Variants in RFX1 observed in about 807,000 individuals in gnomAD.
RFX1 encodes the protein MHC class II regulatory factor RFX1.
In RFX1, 42 loss-of-function variants were observed where a neutral mutation model predicts 119.6. That is an observed-to-expected ratio of 0.35 (90% CI 0.27 to 0.45). The LOEUF is 0.45. Ranked by LOEUF, RFX1 falls within the 20% of genes least tolerant of loss-of-function variation. The pLI is 1.00. For missense variants in RFX1, 1,118 were observed against 1,368.1 expected, an observed-to-expected ratio of 0.82 and a Z score of 2.88; for synonymous variants, 628 against 618.5, an observed-to-expected ratio of 1.02 and a Z score of -0.23.
At position 13,962,641 on chromosome 19, in the gene RFX1, G is replaced by C; in HGVS notation, c.*54C>G. 2 of 1,388,792 alleles carry C rather than the reference G, an allele frequency of 1.4e-6. No individual in the cohort carries two copies. Among genetic ancestry groups the C allele is most frequent in the Admixed American group, 2.5e-5 (1 of 40,320 alleles). 86.0% of individuals were successfully genotyped at this position (1,388,792 alleles called of 1,614,324 possible). On this transcript the variant is annotated 3_prime_UTR_variant, in exon 21 of 21. Transcript: ENST00000254325. ...GACCACGAAGCCACAGAAGCTTTGA[G>C]GGACCCTGGCGTGGAGGGGTGGCGG...
chr19:13,966,879 G>C lies in RFX1; in HGVS notation c.1733-128C>G. ...TGCCGGTGAGACAACGCTAGGTGGG[G>C]TGAGCGCCTGGCCCGGGCCCAGGAC... On this transcript the variant is annotated intron_variant, in intron 12 of 20. Transcript: ENST00000254325. This position sits in a 1 kb window ranked among gnomAD's most constrained non-coding sequence, Gnocchi z 6.3. 1 of 623,410 alleles carries C rather than the reference G, an allele frequency of 1.6e-6. No homozygotes were observed. Among genetic ancestry groups the C allele is most frequent in the Non-Finnish European group, 2.8e-6 (1 of 362,916 alleles). 38.6% of individuals were successfully genotyped at this position (623,410 alleles called of 1,614,324 possible).
chr19:13,991,591 A>T (rs1205633612), intron 2 of RFX1, among the ~76,000 whole-genome samples: 1 of 152,180 alleles, frequency 6.6e-6, no homozygotes, highest in Non-Finnish European at 1.5e-5. Context: ...ACACTGCCAG[A>T]AGCCTCTGGG....
chr19:13,969,839 G>T lies in RFX1; in HGVS notation c.1496+155C>A. ...GGTGGAAGGCACCGCCAGTGCAAAGGCCTAGAGTGGGAGTGAGCGGGGCTG... is the reference window on the plus strand; with the variant it reads ...GGTGGAAGGCACCGCCAGTGCAAAGTCCTAGAGTGGGAGTGAGCGGGGCTG... On this transcript the variant is annotated intron_variant, in intron 10 of 20. Transcript: ENST00000254325. This position sits in a 1 kb window ranked among gnomAD's most constrained non-coding sequence, Gnocchi z 4.5. 1.5e-6 allele frequency: 1 copy of T among 674,584 alleles called. No homozygotes were observed. The highest frequency in any genetic ancestry group is 2.5e-6 in the Non-Finnish European group (1 of 406,314). 41.8% of individuals were successfully genotyped at this position (674,584 alleles called of 1,614,324 possible).
intron 8 of RFX1, among the ~76,000 whole-genome samples, chr19:13,977,764 C>A (rs1036458421): frequency 2.0e-5 from 3 of 151,604 alleles, no homozygotes; most frequent in Admixed American, 6.6e-5. Flanking sequence ...GACTCCCAAG[C>A]CCTAAGCTAT....
intron 2 of RFX1, among the ~76,000 whole-genome samples, chr19:13,993,066 G>T (rs1336216613): frequency 1.3e-5 from 2 of 152,158 alleles, no homozygotes; most frequent in East Asian, 3.8e-4. Context: ...TTTGAGGCCG[G>T]GAGGATCATT....
In RFX1 at chr19:13,979,897, G is replaced by A. The variant is rs1054856145; in HGVS notation, c.739-355C>T. Reference sequence around the variant, plus strand: ...CTGTTCTGTGCTGTGGCGGGCATGCGGGGATTATCCTAGGGGCGCAGAGCC... The same window carrying A: ...CTGTTCTGTGCTGTGGCGGGCATGCAGGGATTATCCTAGGGGCGCAGAGCC... On this transcript the variant is annotated intron_variant, in intron 6 of 20. Coordinates refer to ENST00000254325, the MANE Select transcript of RFX1 (RefSeq NM_002918.5). 7.2e-5 allele frequency among the ~76,000 whole-genome samples: 11 copies of A among 152,224 alleles called. No homozygotes were observed. In the South Asian group the frequency reaches 1.7e-3, roughly 23 times the overall value.
chr19:13,984,748 T>C (rs1337623811), intron 2 of RFX1, among the ~76,000 whole-genome samples: 3 of 152,136 alleles, frequency 2.0e-5, no homozygotes, highest in Admixed American at 2.0e-4. Flanking sequence ...TAGAGGGGTT[T>C]ATCCGACCCC....
intron 9 of RFX1, among the ~76,000 whole-genome samples, chr19:13,971,633 T>C (rs988848738): frequency 1.3e-5 from 2 of 152,108 alleles, no homozygotes; most frequent in Admixed American, 1.3e-4. Context: ...TTAATCAGAA[T>C]AGATGGCTGG....
intron 4 of RFX1, 61 bp downstream of exon 4, chr19:13,983,126 G>T: frequency 7.9e-7 from 1 of 1,262,644 alleles, no homozygotes. Context: ...CTTGCCACAG[G>T]GGGTTGGTCC....
At chr19:14,000,200 T>C (rs1268142107) in intron 1 of RFX1, among the ~76,000 whole-genome samples, 1 of 152,080 alleles carries the variant, frequency 6.6e-6, no homozygotes. Context: ...AAATATATCC[T>C]AGAGGCCGGG....
chr19:13,994,896 A>ATG (rs1974948349), intron 1 of RFX1, among the ~76,000 whole-genome samples: 2 of 11,310 alleles, frequency 1.8e-4, no homozygotes, highest in East Asian at 4.2e-3. Flanking sequence ...ATACATACAT[A>ATG]TATATATATA....
At position 13,968,035 on chromosome 19, in the gene RFX1, C is replaced by G. The variant is rs543152789; in HGVS notation, c.1732+530G>C. 2.6e-5 allele frequency among the ~76,000 whole-genome samples: 4 copies of G among 152,216 alleles called. No homozygotes were observed. The South Asian group carries it at 8.3e-4, about 32-fold the overall frequency. ...TTGGGAGGCCAAGGTGGGAGGATCA[C>G]TTCAGGTCAGGAGTTCGAGACCAGC... is the stretch of plus-strand genomic sequence containing the variant. On this transcript the variant is annotated intron_variant, in intron 12 of 20. Coordinates refer to ENST00000254325, the MANE Select transcript of RFX1 (RefSeq NM_002918.5). This position sits in a 1 kb window ranked among gnomAD's most constrained non-coding sequence, Gnocchi z 5.5.
intron 1 of RFX1, among the ~76,000 whole-genome samples, chr19:14,005,777 T>C (rs1419872700): frequency 1.4e-5 from 2 of 139,812 alleles, no homozygotes; most frequent in African/African-American, 5.3e-5. Context: ...CCCCGCCTCG[T>C]ACCTCCCTCG....
At chr19:14,003,907 A>C (rs1975293403) in intron 1 of RFX1, among the ~76,000 whole-genome samples, 1 of 151,322 alleles carries the variant, frequency 6.6e-6, no homozygotes, top group African/African-American at 2.4e-5. Context: ...CTTTCTGCTC[A>C]GTTAGCTTTT....
Position 13,988,024 on chromosome 19 carries a change from C to CTT in RFX1, c.320-4431_320-4430dup, listed in dbSNP as rs768766007. Among the ~76,000 whole-genome samples, 392 of 134,432 alleles carry CTT rather than the reference C, an allele frequency of 2.9e-3. 2 individuals carry two copies. Among genetic ancestry groups the CTT allele is most frequent in the African/African-American group, 9.7e-3 (340 of 35,224 alleles). 88.2% of individuals were successfully genotyped at this position (134,432 alleles called of 152,430 possible). A position where few individuals can be genotyped will look rare whatever the true frequency, so the allele number is the denominator to read the frequency against. ...CTTGACTTGCTCTTGACTTCTTGCTCTTTTTTTTTTTTTTTTTTTTGAGAC... is the reference window on the plus strand; with the variant it reads ...CTTGACTTGCTCTTGACTTCTTGCTCTTTTTTTTTTTTTTTTTTTTTTGAGAC... On this transcript the variant is annotated intron_variant, in intron 2 of 20. Transcript: ENST00000254325.
In RFX1 at chr19:13,963,870, G is replaced by T. The variant is rs372349612; in HGVS notation, c.2349C>A (p.Phe783Leu). ...QMLSDLNRVD[F>L]ANVQEQASWV... Reference sequence around the variant, plus strand: ...GCCCCGCGCTCACCTGCACGTTGGCGAAGTCCACGCGGTTGAGGTCGCTCA... The same window carrying T: ...GCCCCGCGCTCACCTGCACGTTGGCTAAGTCCACGCGGTTGAGGTCGCTCA... Residue 783 changes from phenylalanine to leucine, a missense_variant, in exon 17 of 21, where the codon TTC becomes TTA. Physicochemically the swap from Phe to Leu is conservative, Grantham distance 22. Coordinates refer to ENST00000254325, the MANE Select transcript of RFX1 (RefSeq NM_002918.5). 6.5e-7 allele frequency: 1 copy of T among 1,545,952 alleles called. No homozygotes were observed.
At chr19:13,972,640 G>T in intron 9 of RFX1, 103 bp downstream of exon 9, 1 of 820,536 alleles carries the variant, frequency 1.2e-6, no homozygotes. Context: ...GGCCACACAG[G>T]CTCCTGCTAG....
intron 2 of RFX1, among the ~76,000 whole-genome samples, chr19:13,987,291 T>C (rs908282721): frequency 6.6e-6 from 1 of 152,098 alleles, no homozygotes; most frequent in African/African-American, 2.4e-5. Context: ...GTATTGTTCC[T>C]GACCAGGGAA....
intron 1 of RFX1, among the ~76,000 whole-genome samples, chr19:14,005,897 C>T (rs937563257): frequency 6.6e-6 from 1 of 151,690 alleles, no homozygotes; most frequent in Non-Finnish European, 1.5e-5. Flanking sequence ...GAGCGCCCGC[C>T]CCTCGCGGGG....
Sources: allele counts gnomAD v4.1 joint callset (sites outside exome capture counted in the v4.1 genomes callset), GRCh38; gene constraint gnomAD v4.1.1; non-coding constraint Gnocchi (gnomAD v3.1); transcripts MANE v1.5; gene names NCBI Gene and HGNC (gene_info 2026-07-23, HGNC 2026-07-21).